The following FRMD4B variants were observed in gnomAD, a reference collection of about 807,000 sequenced individuals.
FRMD4B encodes FERM domain-containing protein 4B.
A neutral mutation model predicts 141.5 loss-of-function variants in FRMD4B; 74 were observed. The ratio of observed to expected loss-of-function variants is 0.52; its 90% CI spans 0.43 to 0.63. The LOEUF is 0.63. Ranked by LOEUF, FRMD4B falls within the 30% of genes least tolerant of loss-of-function variation. FRMD4B has a pLI of 0.00. For missense variants in FRMD4B, 1,366 were observed against 1,253.4 expected (o/e 1.09, Z -1.36); for synonymous variants, 506 against 467.9 (o/e 1.08, Z -1.05).
intron 1 of FRMD4B, chr3:69,472,048 T>G (rs1269503510): frequency 6.3e-6 from 1 of 157,848 alleles, no homozygotes; most frequent in Non-Finnish European, 1.4e-5. Context: ...TATTTGAGCC[T>G]CTTTGACAGC....
At chr3:69,298,691 G>A (rs565234085) in intron 4 of FRMD4B, among the ~76,000 whole-genome samples, 1 of 152,292 alleles carries the variant, frequency 6.6e-6, no homozygotes, top group Non-Finnish European at 1.5e-5. Context: ...TCAGAAATGG[G>A]CCTGGGTCCT....
At chr3:69,476,462 T>C (rs1325179130) in intron 1 of FRMD4B, among the ~76,000 whole-genome samples, 1 of 152,208 alleles carries the variant, frequency 6.6e-6, no homozygotes, top group Admixed American at 6.5e-5. Context: ...AAATAAGGAA[T>C]CCTTTCCCCA....
intron 1 of FRMD4B, among the ~76,000 whole-genome samples, chr3:69,504,226 T>A (rs1706555029): frequency 6.6e-6 from 1 of 152,196 alleles, no homozygotes; most frequent in Admixed American, 6.5e-5. Context: ...AATAATTTAT[T>A]TACCCAGCCC....
At chr3:69,179,526 C>A (rs2092683467) in intron 21 of FRMD4B, among the ~76,000 whole-genome samples, 1 of 152,126 alleles carries the variant, frequency 6.6e-6, no homozygotes, top group African/African-American at 2.4e-5. Flanking sequence ...ATGGGACAGC[C>A]CTAGTGGAAG....
chr3:69,416,448 G>A (rs568301639), intron 2 of FRMD4B, among the ~76,000 whole-genome samples: 3 of 152,114 alleles, frequency 2.0e-5, no homozygotes, highest in Non-Finnish European at 4.4e-5. Context: ...ACCCAGCTGA[G>A]AATATAAATT....
intron 1 of FRMD4B, among the ~76,000 whole-genome samples, chr3:69,323,629 T>C (rs1229249101): frequency 1.7e-5 from 1 of 59,300 alleles, no homozygotes; most frequent in Non-Finnish European, 4.4e-5. Context: ...TATATATATA[T>C]ATATATATAT....
chr3:69,347,693 C>G (rs1017713486), intron 1 of FRMD4B, among the ~76,000 whole-genome samples: 3 of 152,180 alleles, frequency 2.0e-5, no homozygotes, highest in African/African-American at 7.2e-5. Flanking sequence ...CAAAACCGCT[C>G]AACTATATGG....
intron 1 of FRMD4B, among the ~76,000 whole-genome samples, chr3:69,377,350 G>A (rs1703997737): frequency 6.6e-6 from 1 of 152,162 alleles, no homozygotes; most frequent in Admixed American, 6.5e-5. Context: ...AAAAAGTGTA[G>A]CAAGCAGTCA....
In FRMD4B at chr3:69,235,150, A is replaced by AAATAATAAT. The variant is rs55995422; in HGVS notation, c.582-10469_582-10461dup. On this transcript the variant is annotated intron_variant, in intron 7 of 22. Transcript: ENST00000398540. ...GGGTGACAGAGCGAGACCCTGTCTC[A>AAATAATAAT]AATAATAATAATAATAATAATAATA... Among the ~76,000 whole-genome samples, 1,033 of 134,104 alleles carry AAATAATAAT rather than the reference A, an allele frequency of 7.7e-3. 12 individuals are homozygous for AAATAATAAT. The highest frequency in any genetic ancestry group is 0.02 in the East Asian group (92 of 4,590). The allele number at this position is 134,104 out of a possible 152,430, so 88.0% of individuals were successfully genotyped here.
At chr3:69,173,354 A>G (rs986147326) in intron 22 of FRMD4B, among the ~76,000 whole-genome samples, 3 of 152,200 alleles carry the variant, frequency 2.0e-5, no homozygotes, top group African/African-American at 7.2e-5. Context: ...GTACCTTTCT[A>G]TAATTTTAAG....
At chr3:69,174,205 C>A (rs961273034) in intron 22 of FRMD4B, among the ~76,000 whole-genome samples, 2 of 150,848 alleles carry the variant, frequency 1.3e-5, no homozygotes, top group Non-Finnish European at 3.0e-5. Context: ...AAAAGCCTCT[C>A]AAAAAAAACT....
intron 1 of FRMD4B, among the ~76,000 whole-genome samples, chr3:69,513,722 T>C (rs1338504365): frequency 1.3e-5 from 2 of 152,026 alleles, no homozygotes; most frequent in Non-Finnish European, 2.9e-5. Context: ...ATTTCTGGAA[T>C]ACAAAGATAG....
At chr3:69,200,567 C>A (rs955762199) in intron 11 of FRMD4B, 1 of 1,135,124 alleles carries the variant, frequency 8.8e-7, no homozygotes, top group Admixed American at 3.8e-5. Context: ...GAGCCTCCCA[C>A]GGCTGACACA....
intron 1 of FRMD4B, among the ~76,000 whole-genome samples, chr3:69,512,734 A>G (rs956744665): frequency 6.6e-6 from 1 of 152,242 alleles, no homozygotes; most frequent in African/African-American, 2.4e-5. Context: ...TAGGGAAAGT[A>G]GTCTCTAACT....
At position 69,169,342 on chromosome 3, in the gene FRMD4B, T is replaced by A. The variant is rs2092563801; in HGVS notation, c.*2519A>T. On this transcript the variant is annotated 3_prime_UTR_variant, in exon 23 of 23. Transcript: ENST00000398540. ...AACCGTGCAGTAGGATTGCTGAACTTCCATTTCTTTCTTTTTTTTTTTTTT... is the reference window on the plus strand; with the variant it reads ...AACCGTGCAGTAGGATTGCTGAACTACCATTTCTTTCTTTTTTTTTTTTTT... Among the ~76,000 whole-genome samples the A allele has an allele frequency of 7.5e-6, 1 of 132,548 alleles. No individual in the cohort carries two copies. The highest frequency in any genetic ancestry group is 1.5e-5 in the Non-Finnish European group (1 of 65,514). 87.0% of individuals were successfully genotyped at this position (132,548 alleles called of 152,430 possible).
At chr3:69,288,091 CCAAAAACAAA>C (rs1368301335) in intron 4 of FRMD4B, among the ~76,000 whole-genome samples, 2 of 152,164 alleles carry the variant, frequency 1.3e-5, no homozygotes, top group Admixed American at 6.5e-5. Context: ...TGGTATTCAA[CCAAAAACAAA>C]CAAAAACAAA....
At chr3:69,286,895 C>T (rs1700706940) in intron 5 of FRMD4B, among the ~76,000 whole-genome samples, 1 of 152,226 alleles carries the variant, frequency 6.6e-6, no homozygotes, top group Non-Finnish European at 1.5e-5. Flanking sequence ...ACCTCTGCCT[C>T]CAGGGTCCAA....
intron 1 of FRMD4B, among the ~76,000 whole-genome samples, chr3:69,343,700 C>A (rs1203444116): frequency 6.6e-6 from 1 of 151,624 alleles, no homozygotes; most frequent in Non-Finnish European, 1.5e-5. Context: ...CTGCCTCAGC[C>A]TCCCAAGTAG....
rs2092864249 is a variant in FRMD4B, at chr3:69,193,570, GT to G, written c.1714+77del. 4.0e-6 allele frequency: 3 copies of G among 747,068 alleles called. No homozygotes were observed. The African/African-American group carries it at 5.3e-5, about 13-fold the overall frequency. 46.3% of individuals were successfully genotyped at this position (747,068 alleles called of 1,614,324 possible). The stretch of plus-strand genomic sequence containing the variant: ...TCTTCCTTTGATCTCTCATCAACTG[GT>G]AACTGGTTTGGAAATGCTATATACC... On this transcript the variant is annotated intron_variant, in intron 17 of 22. Transcript: ENST00000398540.
Sources: gnomAD v4.1 joint callset for allele counts (sites outside exome capture counted in the v4.1 genomes callset) on GRCh38, gnomAD v4.1.1 for gene constraint, MANE v1.5 for transcripts, NCBI Gene and HGNC (gene_info 2026-07-23, HGNC 2026-07-21) for gene names.